The following CNTNAP2 variants were observed in gnomAD, a reference collection of about 807,000 sequenced individuals.
CNTNAP2 encodes the protein contactin associated protein 2.
A neutral mutation model predicts 155.2 loss-of-function variants in CNTNAP2; 98 were observed. The observed-to-expected ratio is 0.63, with a 90% CI of 0.54 to 0.75. The LOEUF (loss-of-function observed/expected upper bound fraction) is 0.75, where lower values mean the gene tolerates loss of function less well. CNTNAP2 is among the 30% of genes least tolerant of loss of function. The pLI, the probability that CNTNAP2 is intolerant of heterozygous loss-of-function variation, is 0.00. For missense variants in CNTNAP2, 1,727 were observed against 1,688.1 expected (o/e 1.02, Z -0.40); for synonymous variants, 651 against 631.2 (o/e 1.03, Z -0.47).
chr7:146,265,232 A>T (rs1799976340), intron 1 of CNTNAP2, among the ~76,000 whole-genome samples: 1 of 152,148 alleles, frequency 6.6e-6, no homozygotes, highest in Non-Finnish European at 1.5e-5. Context: ...GTATGTATGT[A>T]CTATAGATTA....
chr7:147,828,735 A>C, intron 13 of CNTNAP2, among the ~76,000 whole-genome samples: 1 of 152,216 alleles, frequency 6.6e-6, no homozygotes, highest in East Asian at 1.9e-4. Context: ...AATGCAGTCT[A>C]GTGCGTATTT....
intron 1 of CNTNAP2, among the ~76,000 whole-genome samples, chr7:146,290,981 G>A (rs775736228): frequency 1.6e-4 from 24 of 152,090 alleles, no homozygotes; most frequent in Admixed American, 2.6e-4. Context: ...TTCCTCAAAC[G>A]GAGGCAACAG....
rs148047131 is a variant in CNTNAP2 at position 147,421,505 on chromosome 7, C to T, written c.1670+25725C>T. Among the ~76,000 whole-genome samples, 833 of 150,092 alleles carry T rather than the reference C, an allele frequency of 5.5e-3. 12 individuals are homozygous for T. Among genetic ancestry groups the T allele is most frequent in the African/African-American group, 0.02 (797 of 40,778 alleles). On this transcript the variant is annotated intron_variant, in intron 10 of 23. Coordinates refer to ENST00000361727, the MANE Select transcript of CNTNAP2 (RefSeq NM_014141.6). ...TAACTAATGTATTTATCCACATTATCTAAATTACACAAATAAAATATATAT... is the reference window on the plus strand; with the variant it reads ...TAACTAATGTATTTATCCACATTATTTAAATTACACAAATAAAATATATAT...
chr7:146,705,490 C>A, intron 1 of CNTNAP2, among the ~76,000 whole-genome samples: 1 of 152,074 alleles, frequency 6.6e-6, no homozygotes, highest in East Asian at 1.9e-4. Context: ...TGACCTATCA[C>A]CCCGCAAAAT....
chr7:147,010,777 C>T (rs1798608584), intron 3 of CNTNAP2, among the ~76,000 whole-genome samples: 1 of 152,248 alleles, frequency 6.6e-6, no homozygotes, highest in East Asian at 1.9e-4. Flanking sequence ...ATATAGCAAT[C>T]ATTGTAGTGA....
At chr7:147,003,336 C>A (rs570083271) in intron 3 of CNTNAP2, among the ~76,000 whole-genome samples, 4 of 137,868 alleles carry the variant, frequency 2.9e-5, no homozygotes, top group South Asian at 2.3e-4. Flanking sequence ...GGCAAACCAA[C>A]CCCCCCCAAA....
At chr7:148,015,478 C>A (rs922022464) in intron 15 of CNTNAP2, among the ~76,000 whole-genome samples, 2 of 152,162 alleles carry the variant, frequency 1.3e-5, no homozygotes, top group Non-Finnish European at 2.9e-5. Flanking sequence ...CGGGCATCGG[C>A]GAGACCCAGT....
chr7:148,360,814 T>TC, intron 21 of CNTNAP2, among the ~76,000 whole-genome samples: 1 of 146,714 alleles, frequency 6.8e-6, no homozygotes, highest in African/African-American at 2.7e-5. Flanking sequence ...TTTTTTCTTT[T>TC]TCTTTTTTTT....
At chr7:146,833,027 A>C (rs928231907) in intron 2 of CNTNAP2, among the ~76,000 whole-genome samples, 3 of 152,078 alleles carry the variant, frequency 2.0e-5, no homozygotes, top group Non-Finnish European at 4.4e-5. Flanking sequence ...GATTATATAT[A>C]ATTGGTAGCC....
chr7:147,981,815 G>A (rs901130306), intron 15 of CNTNAP2, among the ~76,000 whole-genome samples: 6 of 146,680 alleles, frequency 4.1e-5, no homozygotes, highest in Middle Eastern at 3.5e-3. Flanking sequence ...GTGTGTGTGT[G>A]TGGTTTTTTT....
chr7:148,203,977 C>G (rs1274994681), intron 18 of CNTNAP2, among the ~76,000 whole-genome samples: 1 of 152,198 alleles, frequency 6.6e-6, no homozygotes, highest in Non-Finnish European at 1.5e-5. Flanking sequence ...TAGTAAAGAA[C>G]TACCTGCTAA....
intron 9 of CNTNAP2, among the ~76,000 whole-genome samples, chr7:147,314,944 A>G (rs985304561): frequency 2.6e-5 from 4 of 151,062 alleles, no homozygotes; most frequent in Admixed American, 1.3e-4. Context: ...AATAACCACT[A>G]TGTAAAAGCT....
rs377629345 is a variant in CNTNAP2 at position 148,383,713 on chromosome 7, C to T, written c.3540C>T (p.Ser1180=). The T allele has an allele frequency of 3.2e-5, 51 of 1,614,074 alleles. No individual in the cohort carries two copies. The highest frequency in any genetic ancestry group is 4.2e-5 in the Non-Finnish European group (49 of 1,180,032). The change falls in exon 22 of 24, where the codon TCC becomes TCT. Residue 1180 remains serine, a synonymous_variant. Coordinates refer to ENST00000361727, the MANE Select transcript of CNTNAP2 (RefSeq NM_014141.6). ...YNTPGFTGCL[S]RVQFNQIAPL... ...CCCCAGGATTCACTGGTTGCCTCTC[C>T]AGAGTCCAGTTCAACCAGATCGCCC...
At chr7:146,161,421 G>A (rs1042136479) in intron 1 of CNTNAP2, among the ~76,000 whole-genome samples, 2 of 151,648 alleles carry the variant, frequency 1.3e-5, no homozygotes, top group African/African-American at 2.4e-5. Context: ...GTCCCTGTTT[G>A]CAGATGTAAA....
chr7:147,586,639 A>C (rs1273505577), intron 12 of CNTNAP2, among the ~76,000 whole-genome samples: 1 of 151,878 alleles, frequency 6.6e-6, no homozygotes, highest in East Asian at 1.9e-4. Flanking sequence ...GCAGAAACAA[A>C]ACGGAAATAC....
chr7:146,651,081 A>C (rs1284082888), intron 1 of CNTNAP2, among the ~76,000 whole-genome samples: 1 of 152,062 alleles, frequency 6.6e-6, no homozygotes, highest in East Asian at 1.9e-4. Context: ...ACTCTAATAC[A>C]TAACTGAGAT....
chr7:147,780,888 G>A (rs1162367473), intron 13 of CNTNAP2, among the ~76,000 whole-genome samples: 1 of 152,186 alleles, frequency 6.6e-6, no homozygotes, highest in Non-Finnish European at 1.5e-5. Flanking sequence ...CCATTTGCAT[G>A]TATAATTTTC....
chr7:148,237,702 G>A (rs1238718016), intron 20 of CNTNAP2, among the ~76,000 whole-genome samples: 1 of 152,230 alleles, frequency 6.6e-6, no homozygotes, highest in African/African-American at 2.4e-5. Flanking sequence ...CACATGCAGA[G>A]TGGTGTCAAA....
intron 8 of CNTNAP2, among the ~76,000 whole-genome samples, chr7:147,282,719 A>C (rs1805072517): frequency 6.6e-6 from 1 of 151,888 alleles, no homozygotes; most frequent in African/African-American, 2.4e-5. Context: ...AATTAATCAA[A>C]GGAAAGCCCT....
Sources: allele counts gnomAD v4.1 joint callset (sites outside exome capture counted in the v4.1 genomes callset), GRCh38; gene constraint gnomAD v4.1.1; transcripts MANE v1.5; gene names NCBI Gene and HGNC (gene_info 2026-07-23, HGNC 2026-07-21).